The following SLC35E2B variants were observed in gnomAD, a reference collection of about 807,000 sequenced individuals.
SLC35E2B encodes solute carrier family 35 member E2B.
A neutral mutation model predicts 32.4 loss-of-function variants in SLC35E2B; 18 were observed. That is an observed-to-expected ratio of 0.56 (90% CI 0.38 to 0.82). SLC35E2B has a LOEUF of 0.82. SLC35E2B is among the 40% of genes least tolerant of loss of function. The probability of loss-of-function intolerance (pLI) is 0.00; values close to 1 mark genes in which losing one functional copy is unlikely to be tolerated. For synonymous variants in SLC35E2B, 132 were observed against 209.1 expected (o/e 0.63, Z 3.18); for missense variants, 263 against 469.5 (o/e 0.56, Z 4.06).
chr1:1,668,520 A>C (rs1643601925), intron 8 of SLC35E2B, 48 bp from the exon 9 acceptor site: 1 of 1,614,050 alleles, frequency 6.2e-7, no homozygotes, highest in African/African-American at 1.3e-5. Flanking sequence ...TTTTCCATTT[A>C]CTAATCATCC....
At chr1:1,683,698 C>T (rs917701909) in intron 2 of SLC35E2B, among the ~76,000 whole-genome samples, 2 of 151,826 alleles carry the variant, frequency 1.3e-5, no homozygotes, top group East Asian at 1.9e-4. Flanking sequence ...TTCTGGCGAC[C>T]AGTCCCCCCT....
chr1:1,671,575 G>A lies in SLC35E2B; in HGVS notation c.641C>T (p.Thr214Met), dbSNP rs1262692757. The A allele has an allele frequency of 1.6e-5, 25 of 1,549,232 alleles. No homozygotes were observed. The highest frequency in any genetic ancestry group is 3.9e-5 in the Admixed American group (2 of 50,686). Residue 214 changes from threonine (T) to methionine (M), a missense_variant, in exon 6 of 10, where the codon ACG becomes ATG. This residue lies in a region of SLC35E2B where 129 missense variants were observed against 164.5 expected (regional missense o/e 0.78). Coordinates refer to ENST00000617444, the MANE Select transcript of SLC35E2B (RefSeq NM_001290264.2). ...GACATTGAAGCTGATCTCAGTGGCCGTGCACAGCGCCAGCCCGCCCATGAC... is the reference window on the plus strand; with the variant it reads ...GACATTGAAGCTGATCTCAGTGGCCATGCACAGCGCCAGCCCGCCCATGAC... The part of the protein sequence containing the change: ...IPVMGGLALC[T>M]ATEISFNVLG...
In SLC35E2B at chr1:1,663,223, C is replaced by T; in HGVS notation, c.*2559G>A. The T allele has an allele frequency of 2.1e-6, 2 of 961,002 alleles. No individual in the cohort carries two copies. The highest frequency in any genetic ancestry group is 2.5e-6 in the Non-Finnish European group (2 of 808,226). 59.5% of individuals were successfully genotyped at this position (961,002 alleles called of 1,614,324 possible). On this transcript the variant is annotated 3_prime_UTR_variant, in exon 10 of 10. Transcript: ENST00000617444. ...TTTGGAAAAACGTTTGTTTCTGGTC[C>T]ACAAACAGAAAATCCAAACAGGATG...
chr1:1,682,010 A>G (rs1173822761), intron 2 of SLC35E2B, among the ~76,000 whole-genome samples: 1 of 38,688 alleles, frequency 2.6e-5, no homozygotes. Flanking sequence ...AAAAAAAAAA[A>G]AAAAAAAAAA....
At position 1,665,195 on chromosome 1, in the gene SLC35E2B, G is replaced by C. The variant is rs1474644607; in HGVS notation, c.*587C>G. 1 of 175,422 alleles carries C rather than the reference G, an allele frequency of 5.7e-6. No homozygotes were observed. The highest frequency in any genetic ancestry group is 1.2e-5 in the Non-Finnish European group (1 of 84,484). 10.9% of individuals were successfully genotyped at this position (175,422 alleles called of 1,614,324 possible). A position where few individuals can be genotyped will look rare whatever the true frequency, so the allele number is the denominator to read the frequency against. ...CGTGCAATGCTGCAGCTTGAGGCTT[G>C]CGATGCCTCTGGGATAGTCTGAGGA... On this transcript the variant is annotated 3_prime_UTR_variant, in exon 10 of 10. Coordinates refer to ENST00000617444, the MANE Select transcript of SLC35E2B (RefSeq NM_001290264.2).
In SLC35E2B at chr1:1,690,307, A is replaced by AAT. The variant is rs931886708; in HGVS notation, c.-148+667_-148+668dup. ...AAAAAAAAAAAAAGAAACAAAAAAA[A>AAT]ATATATATATATATATACATACCAT... On this transcript the variant is annotated intron_variant, in intron 2 of 9. Transcript: ENST00000617444. Among the ~76,000 whole-genome samples, 102 of 100,532 alleles carry AAT rather than the reference A, an allele frequency of 1.0e-3. 2 individuals are homozygous for AAT. Among genetic ancestry groups the AAT allele is most frequent in the Middle Eastern group, 5.1e-3 (1 of 198 alleles). 66.0% of individuals were successfully genotyped at this position (100,532 alleles called of 152,430 possible).
At chr1:1,678,832 A>C (rs1222514860) in intron 2 of SLC35E2B, among the ~76,000 whole-genome samples, 1 of 152,116 alleles carries the variant, frequency 6.6e-6, no homozygotes, top group Non-Finnish European at 1.5e-5. Context: ...CTGGGCCCTG[A>C]GCCAGGGAGC....
intron 5 of SLC35E2B, chr1:1,672,849 C>G (rs1056712796): frequency 6.5e-5 from 10 of 152,942 alleles, no homozygotes; most frequent in African/African-American, 1.9e-4. Context: ...GCCTCAGGCC[C>G]TGGCAGTTCC....
intron 2 of SLC35E2B, among the ~76,000 whole-genome samples, chr1:1,681,575 C>T (rs1304335085): frequency 1.3e-5 from 2 of 150,638 alleles, no homozygotes; most frequent in Non-Finnish European, 3.0e-5. Flanking sequence ...GGCACAATCT[C>T]AGCTCACCGT....
In SLC35E2B at chr1:1,665,842, G is replaced by A; in HGVS notation, c.1158C>T (p.Gly386=). The A allele has an allele frequency of 6.4e-7, 1 of 1,550,708 alleles. No individual in the cohort carries two copies. The highest frequency in any genetic ancestry group is 8.7e-7 in the Non-Finnish European group (1 of 1,146,976). ...GCTCCACTGTGTCGTCTGGGGCCCG[G>A]CCAGTGGCTGCAGCCAGGCTCTGCA... ...EALQSLAAAT[G]RAPDDTVEPL... The change falls in exon 10 of 10, where the codon GGC becomes GGT. Residue 386 remains glycine, a synonymous_variant. Coordinates refer to ENST00000617444, the MANE Select transcript of SLC35E2B (RefSeq NM_001290264.2).
In SLC35E2B at chr1:1,665,658, C is replaced by T. The variant is rs1361284513; in HGVS notation, c.*124G>A. The T allele has an allele frequency of 1.4e-6, 2 of 1,410,814 alleles. No homozygotes were observed. Among genetic ancestry groups the T allele is most frequent in the Non-Finnish European group, 9.3e-7 (1 of 1,071,216 alleles). 87.4% of individuals were successfully genotyped at this position (1,410,814 alleles called of 1,614,324 possible). ...CTTCACCGACAAACCGAGAAAGCCG[C>T]AGGCAATGGCCAACTTAGCTCCCCA... On this transcript the variant is annotated 3_prime_UTR_variant, in exon 10 of 10. Coordinates refer to ENST00000617444, the MANE Select transcript of SLC35E2B (RefSeq NM_001290264.2).
intron 2 of SLC35E2B, among the ~76,000 whole-genome samples, chr1:1,688,787 G>C (rs1469974620): frequency 6.6e-6 from 1 of 152,172 alleles, no homozygotes; most frequent in Admixed American, 6.5e-5. Context: ...GCGCAGGGAG[G>C]GGGCGGCAGC....
Position 1,665,602 on chromosome 1 carries a change from C to T in SLC35E2B, c.*180G>A. The stretch of plus-strand genomic sequence containing the variant: ...TGGTCTCTACTCCAGGAAGCTGATA[C>T]CTGGAATCCCCAGTTTGAGTTTCTG... On this transcript the variant is annotated 3_prime_UTR_variant, in exon 10 of 10. Transcript: ENST00000617444. The T allele has an allele frequency of 1.0e-6, 1 of 966,950 alleles. No homozygotes were observed. The highest frequency in any genetic ancestry group is 1.5e-6 in the Non-Finnish European group (1 of 671,748). 59.9% of individuals were successfully genotyped at this position (966,950 alleles called of 1,614,324 possible).
At position 1,665,915 on chromosome 1, in the gene SLC35E2B, A is replaced by C. The variant is rs755361233; in HGVS notation, c.1085T>G (p.Val362Gly). 7.7e-6 allele frequency: 12 copies of C among 1,551,348 alleles called. No individual in the cohort carries two copies. The highest frequency in any genetic ancestry group is 9.6e-6 in the Non-Finnish European group (11 of 1,146,970). ...GGCTTTGTTGTAGAGCAGGACCCCAACGGTCACCAGGGCTGTGCCAACGGC... is the reference window on the plus strand; with the variant it reads ...GGCTTTGTTGTAGAGCAGGACCCCACCGGTCACCAGGGCTGTGCCAACGGC... ...LSAVGTALVT[V>G]GVLLYNKARQ... The change falls in exon 10 of 10, where the codon GTT becomes GGT. Residue 362 changes from valine to glycine, a missense_variant. Physicochemically the swap from Val to Gly is moderately radical, Grantham distance 109. This residue lies in a region of SLC35E2B where 78 missense variants were observed against 71.1 expected (regional missense o/e 1.10). Coordinates refer to ENST00000617444, the MANE Select transcript of SLC35E2B (RefSeq NM_001290264.2).
rs1570302606 is a variant in SLC35E2B, at chr1:1,664,065, T to C, written c.*1717A>G. Reference sequence around the variant, plus strand: ...AGGCATGGTGGCACGTGCCTGTGGTTCCAGCCACATGGGAGGCTGAGGTGG... The same window carrying C: ...AGGCATGGTGGCACGTGCCTGTGGTCCCAGCCACATGGGAGGCTGAGGTGG... On this transcript the variant is annotated 3_prime_UTR_variant, in exon 10 of 10. Coordinates refer to ENST00000617444, the MANE Select transcript of SLC35E2B (RefSeq NM_001290264.2). The C allele has an allele frequency of 2.6e-6, 1 of 391,520 alleles. No individual in the cohort carries two copies. Among genetic ancestry groups the C allele is most frequent in the Non-Finnish European group, 3.5e-6 (1 of 287,150 alleles). 24.3% of individuals were successfully genotyped at this position (391,520 alleles called of 1,614,324 possible). A position where few individuals can be genotyped will look rare whatever the true frequency, so the allele number is the denominator to read the frequency against.
At chr1:1,685,579 G>C (rs1389775351) in intron 2 of SLC35E2B, among the ~76,000 whole-genome samples, 1 of 151,976 alleles carries the variant, frequency 6.6e-6, no homozygotes, top group Non-Finnish European at 1.5e-5. Flanking sequence ...TGCTTAAAAA[G>C]CAAAAATAAT....
At position 1,664,115 on chromosome 1, in the gene SLC35E2B, C is replaced by T. The variant is rs1246116940; in HGVS notation, c.*1667G>A. 8.1e-6 allele frequency: 4 copies of T among 495,212 alleles called. No individual in the cohort carries two copies. Among genetic ancestry groups the T allele is most frequent in the East Asian group, 1.4e-4 (1 of 7,072 alleles). 30.7% of individuals were successfully genotyped at this position (495,212 alleles called of 1,614,324 possible). Reference sequence around the variant, plus strand: ...GGAGGATCATTTGAGCCCAGGAAGTCGAGGCTGCAGTGAGCCAAGATCATG... The same window carrying T: ...GGAGGATCATTTGAGCCCAGGAAGTTGAGGCTGCAGTGAGCCAAGATCATG... On this transcript the variant is annotated 3_prime_UTR_variant, in exon 10 of 10. Transcript: ENST00000617444.
At chr1:1,681,712 G>A (rs1366934462) in intron 2 of SLC35E2B, among the ~76,000 whole-genome samples, 3 of 150,386 alleles carry the variant, frequency 2.0e-5, no homozygotes, top group Non-Finnish European at 3.0e-5. Context: ...TAGGCCGGGC[G>A]TGGTGGCTCA....
At chr1:1,683,041 C>T (rs1643913432) in intron 2 of SLC35E2B, among the ~76,000 whole-genome samples, 1 of 152,052 alleles carries the variant, frequency 6.6e-6, no homozygotes, top group Non-Finnish European at 1.5e-5. Context: ...CGAGACATTG[C>T]ACTCCAGCCT....
Sources: allele counts gnomAD v4.1 joint callset (sites outside exome capture counted in the v4.1 genomes callset), GRCh38; gene constraint gnomAD v4.1.1; regional missense constraint gnomAD v4.1.1; transcripts MANE v1.5; gene names NCBI Gene and HGNC (gene_info 2026-07-23, HGNC 2026-07-21).